Variants in ARHGEF18 observed in about 807,000 individuals in gnomAD.
ARHGEF18 encodes Rho/Rac guanine nucleotide exchange factor 18.
ARHGEF18 carries 93 observed loss-of-function variants against 155.7 expected under a neutral mutation model. The observed-to-expected ratio is 0.60, with a 90% confidence interval of 0.50 to 0.71. The LOEUF is 0.71. ARHGEF18 is among the 30% of genes least tolerant of loss of function. The probability of loss-of-function intolerance (pLI) is 0.00; values close to 1 mark genes in which losing one functional copy is unlikely to be tolerated. For missense variants in ARHGEF18, 1,593 were observed against 1,816.1 expected (o/e 0.88, Z 2.23); for synonymous variants, 742 against 753.1 (o/e 0.99, Z 0.24).
chr19:7,440,325 G>A lies in ARHGEF18; in HGVS notation c.968-19G>A. 1 of 1,609,780 alleles carries A rather than the reference G, an allele frequency of 6.2e-7. No homozygotes were observed. Among genetic ancestry groups the A allele is most frequent in the South Asian group, 1.1e-5 (1 of 90,564 alleles). On this transcript the variant is annotated intron_variant, in intron 10 of 28. Coordinates refer to ENST00000668164, the MANE Select transcript of ARHGEF18 (RefSeq NM_001367823.1). This position sits in a 1 kb window ranked among gnomAD's most constrained non-coding sequence, Gnocchi z 5.4. ...GACCCACTTTCTCAGCACCAACTCTGTCCTTGCCTCTGTCACAGCCTCGCT... is the reference window on the plus strand; with the variant it reads ...GACCCACTTTCTCAGCACCAACTCTATCCTTGCCTCTGTCACAGCCTCGCT...
downstream of ARHGEF18, among the ~76,000 whole-genome samples, chr19:7,473,669 G>C (rs1354850071): frequency 6.6e-6 from 1 of 152,132 alleles, no homozygotes; most frequent in Non-Finnish European, 1.5e-5. Flanking sequence ...AATTAGCCGG[G>C]CGTGGTGGCG....
intron 16 of ARHGEF18, 88 bp downstream of exon 16, chr19:7,451,354 C>A: frequency 9.3e-7 from 1 of 1,073,834 alleles, no homozygotes; most frequent in Non-Finnish European, 1.4e-6. Flanking sequence ...GAGCAGCAAA[C>A]TGAATAAATT....
At chr19:7,458,087 G>A (rs914692678) in intron 18 of ARHGEF18, among the ~76,000 whole-genome samples, 2 of 151,938 alleles carry the variant, frequency 1.3e-5, no homozygotes, top group Admixed American at 1.3e-4. Flanking sequence ...AGGACTTCAA[G>A]ACCAGCCTGG....
chr19:7,354,654 C>G (rs1391983277), intron 1 of ARHGEF18, among the ~76,000 whole-genome samples: 1 of 151,000 alleles, frequency 6.6e-6, no homozygotes, highest in Non-Finnish European at 1.5e-5. Context: ...AATCCCAGCA[C>G]TTTGCGAGGC....
At chr19:7,432,083 T>G (rs370764586) in intron 10 of ARHGEF18, among the ~76,000 whole-genome samples, 3,364 of 152,216 alleles carry the variant, frequency 0.022, 61 homozygotes, top group Non-Finnish European at 0.036. Context: ...ATGAAGGGGT[T>G]TTTTTCTTCC....
intron 2 of ARHGEF18, among the ~76,000 whole-genome samples, chr19:7,368,020 C>CGGAAGGGAGGAAGGAA (rs1970019958): frequency 1.1e-5 from 1 of 95,180 alleles, no homozygotes. Flanking sequence ...GGAGGGAGGG[C>CGGAAGGGAGGAAGGAA]GGAAGGAAGG....
chr19:7,361,634 A>C (rs1407413260), intron 1 of ARHGEF18, among the ~76,000 whole-genome samples: 1 of 152,186 alleles, frequency 6.6e-6, no homozygotes, highest in Non-Finnish European at 1.5e-5. Context: ...AATGTCCATC[A>C]ACAGATCAAT....
rs1397661434 is a variant in ARHGEF18 at position 7,395,411 on chromosome 19, G to A, written c.967+12208G>A. ...CAGGCGAACGGGTGCTGGGGTGCAG[G>A]CTGCTCCTTCAATGCATGGAGGCTC... On this transcript the variant is annotated intron_variant, in intron 10 of 28. Transcript: ENST00000668164. This position sits in a 1 kb window ranked among gnomAD's most constrained non-coding sequence, Gnocchi z 5.0. 6.6e-6 allele frequency among the ~76,000 whole-genome samples: 1 copy of A among 152,024 alleles called. No individual in the cohort carries two copies. The highest frequency in any genetic ancestry group is 1.5e-5 in the Non-Finnish European group (1 of 67,980).
chr19:7,477,351 C>G (rs1218106338), downstream of ARHGEF18: 3 of 1,555,338 alleles, frequency 1.9e-6, no homozygotes, highest in Middle Eastern at 1.7e-4. Flanking sequence ...ACGGCGTTGG[C>G]CAGGTCGGCC....
intron 10 of ARHGEF18, among the ~76,000 whole-genome samples, chr19:7,439,251 T>C (rs1600444181): frequency 6.7e-6 from 1 of 149,318 alleles, no homozygotes; most frequent in Admixed American, 6.7e-5. Context: ...AAGTCAGGAG[T>C]TCAAGACCAG....
At position 7,440,329 on chromosome 19, in the gene ARHGEF18, T is replaced by C; in HGVS notation, c.968-15T>C. On this transcript the variant is annotated splice_polypyrimidine_tract_variant and intron_variant, in intron 10 of 28. Transcript: ENST00000668164. The surrounding 1 kb of genome is among the most constrained non-coding windows in gnomAD (Gnocchi z 5.4). The stretch of plus-strand genomic sequence containing the variant: ...CACTTTCTCAGCACCAACTCTGTCC[T>C]TGCCTCTGTCACAGCCTCGCTCAAG... 1.2e-6 allele frequency: 2 copies of C among 1,611,050 alleles called. No individual in the cohort carries two copies. The highest frequency in any genetic ancestry group is 1.7e-6 in the Non-Finnish European group (2 of 1,178,780).
rs1568269902 is a variant in ARHGEF18 at position 7,367,761 on chromosome 19, ATATATATATATACACATATATATATTT to A, written c.15+4923_15+4949del. Among the ~76,000 whole-genome samples, 10 of 27,778 alleles carry A rather than the reference ATATATATATATACACATATATATATTT, an allele frequency of 3.6e-4. No homozygotes were observed. The East Asian group carries it at 5.1e-3, about 14-fold the overall frequency. 18.2% of individuals were successfully genotyped at this position (27,778 alleles called of 152,430 possible). ...AACTCCATCTCAAAAAAAAAAAAATATATATATATATACACATATATATATTTTATATATATATACACATATATATAT... is the reference window on the plus strand; with the variant it reads ...AACTCCATCTCAAAAAAAAAAAAATATATATATATATACACATATATATAT... On this transcript the variant is annotated intron_variant, in intron 2 of 28. Coordinates refer to ENST00000668164, the MANE Select transcript of ARHGEF18 (RefSeq NM_001367823.1).
chr19:7,389,097 C>A (rs1483854375), intron 10 of ARHGEF18, among the ~76,000 whole-genome samples: 1 of 151,142 alleles, frequency 6.6e-6, no homozygotes, highest in African/African-American at 2.4e-5. Flanking sequence ...GAGATCCTCC[C>A]ACTTCAGCCT....
intron 10 of ARHGEF18, among the ~76,000 whole-genome samples, chr19:7,414,792 C>T (rs925963374): frequency 1.5e-5 from 2 of 137,832 alleles, no homozygotes; most frequent in Non-Finnish European, 1.6e-5. Context: ...CTGGCGACTG[C>T]GAGACTCTGT....
chr19:7,409,341 A>AAC, intron 10 of ARHGEF18, among the ~76,000 whole-genome samples: 1 of 150,898 alleles, frequency 6.6e-6, no homozygotes, highest in Non-Finnish European at 1.5e-5. Context: ...AAAAAAAAAA[A>AAC]AAAAAAGACT....
At chr19:7,445,260 A>G (rs1459479945) in intron 14 of ARHGEF18, among the ~76,000 whole-genome samples, 1 of 152,202 alleles carries the variant, frequency 6.6e-6, no homozygotes, top group East Asian at 1.9e-4. Context: ...AGCCTGGGCA[A>G]CATAGCAAGA....
Position 7,459,898 on chromosome 19 carries a change from T to C in ARHGEF18, c.2361-5T>C. 6.4e-7 allele frequency: 1 copy of C among 1,563,448 alleles called. No individual in the cohort carries two copies. Among genetic ancestry groups the C allele is most frequent in the South Asian group, 1.2e-5 (1 of 85,172 alleles). On this transcript the variant is annotated splice_region_variant and splice_polypyrimidine_tract_variant and intron_variant, in intron 19 of 28. Transcript: ENST00000668164. Reference sequence around the variant, plus strand: ...CAGTTACCCACCCGACTCCTCTCCCTGCAGCTGCCCTGACGAGGAGGAGGG... The same window carrying C: ...CAGTTACCCACCCGACTCCTCTCCCCGCAGCTGCCCTGACGAGGAGGAGGG...
intron 2 of ARHGEF18, among the ~76,000 whole-genome samples, chr19:7,363,213 TAGA>T (rs1969704078): frequency 6.7e-6 from 1 of 149,676 alleles, no homozygotes; most frequent in African/African-American, 2.5e-5. Flanking sequence ...GAAAGATGAG[TAGA>T]AGGATGGATG....
intron 10 of ARHGEF18, among the ~76,000 whole-genome samples, chr19:7,408,834 G>A (rs532648636): frequency 2.0e-5 from 3 of 152,288 alleles, no homozygotes; most frequent in Non-Finnish European, 2.9e-5. Flanking sequence ...TTGAACCCAA[G>A]AGTTCAAGAC....
Sources: allele counts gnomAD v4.1 joint callset (sites outside exome capture counted in the v4.1 genomes callset), GRCh38; gene constraint gnomAD v4.1.1; non-coding constraint Gnocchi (gnomAD v3.1); transcripts MANE v1.5; gene names NCBI Gene and HGNC (gene_info 2026-07-23, HGNC 2026-07-21).